Variants in IGF1R observed in about 807,000 individuals in gnomAD.
IGF1R encodes insulin like growth factor 1 receptor.
A neutral mutation model predicts 144.6 loss-of-function variants in IGF1R; 44 were observed. That is an observed-to-expected ratio of 0.30 (90% CI 0.24 to 0.39). IGF1R has a LOEUF of 0.39. Among genes scored for constraint, IGF1R ranks in the 10% least tolerant of loss-of-function variants. The pLI is 1.00. For synonymous variants in IGF1R, 795 were observed against 722.8 expected (o/e 1.10, Z -1.60); for missense variants, 1,355 against 1,833.7 (o/e 0.74, Z 4.77).
chr15:98,949,236 GTGTT>G (rs1287829505), intron 20 of IGF1R, among the ~76,000 whole-genome samples: 1 of 152,180 alleles, frequency 6.6e-6, no homozygotes. Context: ...TCTCTGTTAA[GTGTT>G]TACAAAAGTC....
rs549057355 is a variant in IGF1R, at chr15:98,948,133, A to G, written c.3588-441A>G. Among the ~76,000 whole-genome samples, 12 of 152,326 alleles carry G rather than the reference A, an allele frequency of 7.9e-5. 1 individual carries two copies. The South Asian group carries it at 2.5e-3, about 32-fold the overall frequency. ...GAGCTTGGTAAAGCTTGACTGTCCC[A>G]GGCCTCATTTGAGGCTACTAAGTCA... On this transcript the variant is annotated intron_variant, in intron 19 of 20. Transcript: ENST00000650285.
Position 98,707,697 on chromosome 15 carries a change from A to T in IGF1R, c.230A>T (p.Lys77Met). 6.2e-7 allele frequency: 1 copy of T among 1,614,102 alleles called. No homozygotes were observed. Among genetic ancestry groups the T allele is most frequent in the Non-Finnish European group, 8.5e-7 (1 of 1,180,020 alleles). Residue 77 changes from lysine to methionine, a missense_variant, in exon 2 of 21, where the codon AAG becomes ATG. Physicochemically the swap from Lys to Met is moderately conservative, Grantham distance 95. Around this residue, in one of 7 missense-constraint regions of IGF1R, gnomAD observed 75 missense variants for 160.0 expected, o/e 0.47. Transcript: ENST00000650285. This position sits in a 1 kb window ranked among gnomAD's most constrained non-coding sequence, Gnocchi z 6.7. ...AEDYRSYRFP[K>M]LTVITEYLLL... ...GACTACCGCAGCTACCGCTTCCCCAAGCTCACGGTCATTACCGAGTACTTG... is the reference window on the plus strand; with the variant it reads ...GACTACCGCAGCTACCGCTTCCCCATGCTCACGGTCATTACCGAGTACTTG...
intron 2 of IGF1R, among the ~76,000 whole-genome samples, chr15:98,721,950 A>G (rs1006788056): frequency 3.9e-5 from 6 of 152,174 alleles, no homozygotes; most frequent in Non-Finnish European, 8.8e-5. Flanking sequence ...GTGGAAGCGA[A>G]CACATTGTGT....
intron 2 of IGF1R, among the ~76,000 whole-genome samples, chr15:98,770,294 T>C (rs903548204): frequency 2.0e-5 from 3 of 152,098 alleles, no homozygotes; most frequent in African/African-American, 7.2e-5. Flanking sequence ...AAAAAGTTGA[T>C]CTCTTGGAGG....
Position 98,672,230 on chromosome 15 carries a change from T to C in IGF1R, c.94+22555T>C, listed in dbSNP as rs115465140. Reference sequence around the variant, plus strand: ...CAAAGTAACCAAGAAAATGATGGACTGGCAGCCTTCACATTTTCCCACAAC... The same window carrying C: ...CAAAGTAACCAAGAAAATGATGGACCGGCAGCCTTCACATTTTCCCACAAC... On this transcript the variant is annotated intron_variant, in intron 1 of 20. Coordinates refer to ENST00000650285, the MANE Select transcript of IGF1R (RefSeq NM_000875.5). Among the ~76,000 whole-genome samples, 706 of 152,354 alleles carry C rather than the reference T, an allele frequency of 4.6e-3. 10 individuals are homozygous for C. The highest frequency in any genetic ancestry group is 0.016 in the African/African-American group (668 of 41,580).
chr15:98,688,286 C>T (rs1212076652), intron 1 of IGF1R, among the ~76,000 whole-genome samples: 3 of 149,178 alleles, frequency 2.0e-5, no homozygotes, highest in East Asian at 2.0e-4. Context: ...TTTTCTCCCC[C>T]GCCCCTTCTC....
chr15:98,856,256 G>A (rs1555453449), intron 2 of IGF1R, among the ~76,000 whole-genome samples: 2 of 152,214 alleles, frequency 1.3e-5, no homozygotes, highest in Non-Finnish European at 2.9e-5. Context: ...GAGGACAATC[G>A]TAGCCTTCCT....
chr15:98,700,050 T>TA (rs1012031152), intron 1 of IGF1R, among the ~76,000 whole-genome samples: 1 of 152,244 alleles, frequency 6.6e-6, no homozygotes, highest in African/African-American at 2.4e-5. Flanking sequence ...GGTTTACACT[T>TA]ACACAGAAAA....
intron 2 of IGF1R, among the ~76,000 whole-genome samples, chr15:98,798,187 C>T (rs962621231): frequency 2.0e-5 from 3 of 152,138 alleles, no homozygotes; most frequent in Non-Finnish European, 4.4e-5. Context: ...GGCTGGGTCA[C>T]ATGTTAGGTG....
At chr15:98,685,755 C>G (rs957748639) in intron 1 of IGF1R, among the ~76,000 whole-genome samples, 1 of 152,216 alleles carries the variant, frequency 6.6e-6, no homozygotes, top group South Asian at 2.1e-4. Context: ...CGGCAGGTCC[C>G]AGGCATCAGC....
chr15:98,950,385 C>T (rs1156851430), intron 20 of IGF1R, among the ~76,000 whole-genome samples: 3 of 152,204 alleles, frequency 2.0e-5, no homozygotes, highest in Non-Finnish European at 2.9e-5. Flanking sequence ...TTGCTCTCAG[C>T]TCAGAGTCAC....
chr15:98,866,534 C>CT (rs1447872667), intron 2 of IGF1R, among the ~76,000 whole-genome samples: 9 of 152,200 alleles, frequency 5.9e-5, no homozygotes, highest in Non-Finnish European at 1.0e-4. Context: ...AAACGAAAAT[C>CT]TAACTTCTGA....
intron 2 of IGF1R, among the ~76,000 whole-genome samples, chr15:98,775,979 A>G (rs1440433660): frequency 2.0e-5 from 3 of 152,208 alleles, no homozygotes; most frequent in Admixed American, 6.5e-5. Context: ...TACAGTGCCT[A>G]GTATTTGCCA....
chr15:98,957,024 C>T, intron 20 of IGF1R, 37 bp from the exon 21 acceptor site: 2 of 1,613,428 alleles, frequency 1.2e-6, no homozygotes, highest in Non-Finnish European at 1.7e-6. Context: ...TGTGCGCCCT[C>T]CCGGTTTGGA....
At chr15:98,814,416 T>G (rs1043923626) in intron 2 of IGF1R, among the ~76,000 whole-genome samples, 2 of 152,160 alleles carry the variant, frequency 1.3e-5, no homozygotes, top group African/African-American at 2.4e-5. Flanking sequence ...AGTGGCACCA[T>G]CATAGCTCAC....
At chr15:98,804,337 A>G (rs1342560760) in intron 2 of IGF1R, among the ~76,000 whole-genome samples, 2 of 152,260 alleles carry the variant, frequency 1.3e-5, no homozygotes, top group Non-Finnish European at 2.9e-5. Context: ...CCATTTTGCA[A>G]GGTAATCTTC....
intron 15 of IGF1R, 96 bp downstream of exon 15, chr15:98,930,401 A>G (rs1053183878): frequency 1.1e-5 from 9 of 786,748 alleles, no homozygotes; most frequent in Non-Finnish European, 1.8e-5. Context: ...GGAGGTTTGC[A>G]TTATTTTGAG....
chr15:98,746,967 A>T lies in IGF1R; in HGVS notation c.640+38860A>T, dbSNP rs569684933. The stretch of plus-strand genomic sequence containing the variant: ...ACATCATATCTCTTGAGTTGAACCT[A>T]TGCTCTCTTGATGGATGAACTCGTA... On this transcript the variant is annotated intron_variant, in intron 2 of 20. Transcript: ENST00000650285. 2.2e-4 allele frequency among the ~76,000 whole-genome samples: 34 copies of T among 152,316 alleles called. No homozygotes were observed. The South Asian group carries it at 7.0e-3, about 32-fold the overall frequency.
At position 98,704,614 on chromosome 15, in the gene IGF1R, G is replaced by A. The variant is rs1033996950; in HGVS notation, c.95-2948G>A. ...GAATGATGAAATTCACTCATTCTGC[G>A]TGTGTCCCATGTCATGTGTCCGCTG... is the stretch of plus-strand genomic sequence containing the variant. On this transcript the variant is annotated intron_variant, in intron 1 of 20. Transcript: ENST00000650285. The surrounding 1 kb of genome is among the most constrained non-coding windows in gnomAD (Gnocchi z 4.9). 2.6e-5 allele frequency among the ~76,000 whole-genome samples: 4 copies of A among 152,180 alleles called. No homozygotes were observed. The highest frequency in any genetic ancestry group is 4.4e-5 in the Non-Finnish European group (3 of 68,026).
Sources: gnomAD v4.1 joint callset for allele counts (sites outside exome capture counted in the v4.1 genomes callset) on GRCh38, gnomAD v4.1.1 for gene constraint, gnomAD v4.1.1 regional missense constraint, Gnocchi (gnomAD v3.1) non-coding constraint, MANE v1.5 for transcripts, NCBI Gene and HGNC (gene_info 2026-07-23, HGNC 2026-07-21) for gene names.